SHROOM2: variants seen among roughly 807,000 people sequenced by gnomAD.
SHROOM2 encodes protein Shroom2.
Under a neutral mutation model 75.9 loss-of-function variants are expected in SHROOM2, and 33 were observed. The observed-to-expected ratio is 0.43, with a 90% CI of 0.33 to 0.58. The LOEUF (loss-of-function observed/expected upper bound fraction) is 0.58, where lower values mean the gene tolerates loss of function less well. Among genes scored for constraint, SHROOM2 ranks in the 20% least tolerant of loss-of-function variants. The pLI is 0.04. For missense variants in SHROOM2, 1,434 were observed against 1,461.2 expected, an observed-to-expected ratio of 0.98 and a Z score of 0.30; for synonymous variants, 655 against 663.6, an observed-to-expected ratio of 0.99 and a Z score of 0.20.
At chrX:9,913,453 TC>T (rs2084452223) in intron 5 of SHROOM2, among the ~76,000 whole-genome samples, 1 of 112,551 alleles carries the variant, frequency 8.9e-6, no homozygotes, top group African/African-American at 3.2e-5. Flanking sequence ...ATGTGCTTTT[TC>T]CCCCATTTTA....
intron 4 of SHROOM2, among the ~76,000 whole-genome samples, chrX:9,897,217 G>A (rs1181842773): frequency 8.9e-6 from 1 of 111,911 alleles, no homozygotes; most frequent in Admixed American, 9.5e-5. Flanking sequence ...AACACATTAA[G>A]TGATTGCACT....
At chrX:9,818,292 C>A (rs757467653) in intron 1 of SHROOM2, 1 of 219,503 alleles carries the variant, frequency 4.6e-6, no homozygotes, top group African/African-American at 2.9e-5. Context: ...ACAGTTTCAA[C>A]TTTAGGTACA....
Position 9,948,653 on chromosome X carries a change from G to A in SHROOM2, c.*1716G>A, listed in dbSNP as rs1254710793. 1 of 113,648 alleles carries A rather than the reference G, an allele frequency of 8.8e-6. No homozygotes were observed. Among genetic ancestry groups the A allele is most frequent in the Non-Finnish European group, 1.9e-5 (1 of 53,604 alleles). 9.4% of individuals were successfully genotyped at this position (113,648 alleles called of 1,213,427 possible). A position where few individuals can be genotyped will look rare whatever the true frequency, so the allele number is the denominator to read the frequency against. ...CCAAGTCCAAACTGGCAAGCTCAATGATGCAGGCAATAAACCGCCTTTTTG... is the reference window on the plus strand; with the variant it reads ...CCAAGTCCAAACTGGCAAGCTCAATAATGCAGGCAATAAACCGCCTTTTTG... On this transcript the variant is annotated 3_prime_UTR_variant, in exon 10 of 10. Transcript: ENST00000380913.
chrX:9,829,672 T>C (rs1371561176), intron 1 of SHROOM2, among the ~76,000 whole-genome samples: 2 of 112,052 alleles, frequency 1.8e-5, no homozygotes, highest in East Asian at 5.6e-4. Flanking sequence ...AATCTGGAAG[T>C]TGAGAAATTG....
chrX:9,815,485 TA>T (rs2083815011), intron 1 of SHROOM2, among the ~76,000 whole-genome samples: 1 of 106,770 alleles, frequency 9.4e-6, no homozygotes, highest in Non-Finnish European at 1.9e-5. Context: ...TGTGTGTATA[TA>T]ATATCTCCTA....
chrX:9,806,941 C>G (rs1346387345), intron 1 of SHROOM2, among the ~76,000 whole-genome samples: 1 of 111,946 alleles, frequency 8.9e-6, no homozygotes, highest in African/African-American at 3.3e-5. Context: ...CCAGGCTGTT[C>G]TCCAACTCCT....
At chrX:9,815,894 A>G (rs1443529750) in intron 1 of SHROOM2, among the ~76,000 whole-genome samples, 2 of 111,861 alleles carry the variant, frequency 1.8e-5, no homozygotes, top group African/African-American at 6.5e-5. Flanking sequence ...ACTCAAATGT[A>G]ATCTCTTTTG....
rs188459341 is a variant in SHROOM2 at position 9,946,186 on chromosome X, C to T, written c.4585-485C>T. Among the ~76,000 whole-genome samples the T allele has an allele frequency of 1.7e-3, 195 of 113,140 alleles. 1 individual carries two copies. The highest frequency in any genetic ancestry group is 0.012 in the Admixed American group (125 of 10,793). ...TGTGTGCAGATATGCTCTGCAGGCT[C>T]GGGGGCTTCTCCTCCTCCTGCCAGG... On this transcript the variant is annotated intron_variant, in intron 9 of 9. Coordinates refer to ENST00000380913, the MANE Select transcript of SHROOM2 (RefSeq NM_001649.4).
intron 1 of SHROOM2, among the ~76,000 whole-genome samples, chrX:9,850,927 C>T (rs73474517): frequency 0.013 from 1,439 of 111,709 alleles, 19 homozygotes; most frequent in African/African-American, 0.044. Flanking sequence ...CACAGCCTTC[C>T]GGAAGTCAGC....
chrX:9,822,612 C>G (rs184128015), intron 1 of SHROOM2, among the ~76,000 whole-genome samples: 19 of 112,839 alleles, frequency 1.7e-4, no homozygotes, highest in African/African-American at 6.1e-4. Flanking sequence ...CTCCCTCCAT[C>G]CCATCTGCCT....
At chrX:9,918,402 G>C (rs1406335451) in intron 5 of SHROOM2, among the ~76,000 whole-genome samples, 1 of 112,360 alleles carries the variant, frequency 8.9e-6, no homozygotes, top group African/African-American at 3.2e-5. Context: ...GCTGGCCTGT[G>C]GATTCCTGGT....
chrX:9,813,513 A>C (rs936528680), intron 1 of SHROOM2, among the ~76,000 whole-genome samples: 5 of 111,111 alleles, frequency 4.5e-5, no homozygotes, highest in Non-Finnish European at 1.9e-5. Context: ...CAGAGGTCTC[A>C]TTGGGGAAGG....
intron 5 of SHROOM2, among the ~76,000 whole-genome samples, chrX:9,901,692 C>G (rs1227391845): frequency 8.9e-6 from 1 of 112,094 alleles, no homozygotes; most frequent in Non-Finnish European, 1.9e-5. Flanking sequence ...CATCCACTGC[C>G]CCATGAATGT....
At chrX:9,815,122 G>A (rs1038302589) in intron 1 of SHROOM2, among the ~76,000 whole-genome samples, 1 of 111,268 alleles carries the variant, frequency 9.0e-6, no homozygotes, top group Non-Finnish European at 1.9e-5. Flanking sequence ...TCCACATATG[G>A]TCAAAGGTAT....
At chrX:9,787,206 GC>G (rs1245609622) in intron 1 of SHROOM2, among the ~76,000 whole-genome samples, 1 of 112,240 alleles carries the variant, frequency 8.9e-6, no homozygotes, top group Non-Finnish European at 1.9e-5. Flanking sequence ...CTGACTTTCG[GC>G]TTCCAGTCCC....
At chrX:9,924,480 T>A (rs2147046062) in intron 5 of SHROOM2, among the ~76,000 whole-genome samples, 1 of 111,754 alleles carries the variant, frequency 8.9e-6, no homozygotes, top group East Asian at 2.8e-4. Flanking sequence ...TTCAGCCTCC[T>A]GAGTAGCTGG....
intron 5 of SHROOM2, among the ~76,000 whole-genome samples, chrX:9,912,085 A>T (rs1315708905): frequency 9.9e-6 from 1 of 100,967 alleles, no homozygotes; most frequent in Admixed American, 1.1e-4. Context: ...AGCCTGGGAG[A>T]CAGAGCAAGA....
At chrX:9,862,129 T>G (rs1433923725) in intron 1 of SHROOM2, among the ~76,000 whole-genome samples, 1 of 112,034 alleles carries the variant, frequency 8.9e-6, no homozygotes, top group Non-Finnish European at 1.9e-5. Context: ...ACATTACGGC[T>G]CTTTGTGAAA....
chrX:9,922,397 A>AGTTTTTCTAAATTACTGGCT (rs1319715423), intron 5 of SHROOM2, among the ~76,000 whole-genome samples: 4 of 110,629 alleles, frequency 3.6e-5, no homozygotes, highest in African/African-American at 1.3e-4. Flanking sequence ...TCAAAACAGT[A>AGTTTTTCTAAATTACTGGCT]AGTTCCAGAA....
Sources: allele counts gnomAD v4.1 joint callset (sites outside exome capture counted in the v4.1 genomes callset), GRCh38; gene constraint gnomAD v4.1.1; transcripts MANE v1.5; gene names NCBI Gene and HGNC (gene_info 2026-07-23, HGNC 2026-07-21).